DNAH2: variants seen among roughly 807,000 people sequenced by gnomAD.
DNAH2 encodes dynein axonemal heavy chain 2, also known as axonemal beta dynein heavy chain 2.
A neutral mutation model predicts 523.5 loss-of-function variants in DNAH2; 323 were observed. The observed-to-expected ratio is 0.62, with a 90% confidence interval of 0.56 to 0.68. The LOEUF is 0.68. DNAH2 is among the 30% of genes least tolerant of loss of function. The pLI is 0.00. For missense variants in DNAH2, 4,907 were observed against 5,701.5 expected (o/e 0.86, Z 4.49); for synonymous variants, 2,093 against 2,177.4 (o/e 0.96, Z 1.08).
intron 63 of DNAH2, among the ~76,000 whole-genome samples, chr17:7,813,982 T>G (rs1010726293): frequency 6.6e-6 from 1 of 151,932 alleles, no homozygotes; most frequent in Non-Finnish European, 1.5e-5. Context: ...AAGGATTCAG[T>G]GGTGAACAAG....
At position 7,798,861 on chromosome 17, in the gene DNAH2, G is replaced by T. The variant is rs1161015909; in HGVS notation, c.8559+143G>T. On this transcript the variant is annotated intron_variant, in intron 55 of 85. Coordinates refer to ENST00000572933, the MANE Select transcript of DNAH2 (RefSeq NM_020877.5). This position sits in a 1 kb window ranked among gnomAD's most constrained non-coding sequence, Gnocchi z 5.5. ...CCCACCTCAGCCCTGTAAGGTGGAA[G>T]GTCCCCTCCAGGGACCCTGGGCAGA... 4 of 1,281,638 alleles carry T rather than the reference G, an allele frequency of 3.1e-6. No homozygotes were observed. Among genetic ancestry groups the T allele is most frequent in the Admixed American group, 4.5e-5 (2 of 44,392 alleles). 79.4% of individuals were successfully genotyped at this position (1,281,638 alleles called of 1,614,324 possible).
intron 28 of DNAH2, 120 bp from the exon 29 acceptor site, chr17:7,774,639 C>T (rs2076399835): frequency 1.2e-6 from 1 of 801,414 alleles, no homozygotes; most frequent in Non-Finnish European, 2.0e-6. Flanking sequence ...CGTCCAGAAA[C>T]CCTCATGGCA....
rs145112814 is a variant in DNAH2 at position 7,778,174 on chromosome 17, C to T, written c.5345C>T (p.Thr1782Met). The change falls in exon 34 of 86, where the codon ACG becomes ATG. Residue 1782 changes from threonine to methionine, a missense_variant. Physicochemically the swap from Thr to Met is moderately conservative, Grantham distance 81 (BLOSUM62 -1). Coordinates refer to ENST00000572933, the MANE Select transcript of DNAH2 (RefSeq NM_020877.5). ...GGCCGGCTCGTCATCACCCCCCTGACGGACAGGTCTGCCATGTGGGATGAA... is the reference window on the plus strand; with the variant it reads ...GGCCGGCTCGTCATCACCCCCCTGATGGACAGGTCTGCCATGTGGGATGAA... Reference protein sequence around the residue: ...NSGRLVITPLTDRCYMTLTTA... With the variant: ...NSGRLVITPLMDRCYMTLTTA... 2.8e-5 allele frequency: 45 copies of T among 1,614,110 alleles called. No individual in the cohort carries two copies. Among genetic ancestry groups the T allele is most frequent in the Admixed American group, 8.3e-5 (5 of 59,998 alleles).
intron 44 of DNAH2, among the ~76,000 whole-genome samples, chr17:7,791,477 T>G (rs1396106549): frequency 6.6e-6 from 1 of 152,244 alleles, no homozygotes; most frequent in Non-Finnish European, 1.5e-5. Context: ...GTAGATTCAT[T>G]TCATTGCTTT....
intron 12 of DNAH2, among the ~76,000 whole-genome samples, chr17:7,744,641 A>G (rs2075462396): frequency 6.6e-6 from 1 of 152,074 alleles, no homozygotes; most frequent in Admixed American, 6.6e-5. Context: ...TCGAGTAGTG[A>G]GAGTTGTTGG....
At position 7,778,345 on chromosome 17, in the gene DNAH2, G is replaced by A; in HGVS notation, c.5417G>A (p.Gly1806Asp). ...HRGGSPKGPA[G>D]TGKTETVKDL... is the part of the protein sequence containing the mutation. ...GGGGGCTCCCCCAAAGGCCCTGCAG[G>A]CACAGGCAAGACCGAGACCGTCAAG... Residue 1806 changes from glycine (G) to aspartate (D), a missense_variant, in exon 35 of 86, where the codon GGC (glycine) becomes GAC (aspartate). Around this residue, in one of 3 missense-constraint regions of DNAH2, gnomAD observed 2,806 missense variants for 3,190.8 expected, o/e 0.88. Transcript: ENST00000572933. 6.2e-7 allele frequency: 1 copy of A among 1,614,222 alleles called. No individual in the cohort carries two copies. The highest frequency in any genetic ancestry group is 8.5e-7 in the Non-Finnish European group (1 of 1,180,032).
intron 12 of DNAH2, among the ~76,000 whole-genome samples, chr17:7,747,792 G>A (rs2075558872): frequency 6.6e-6 from 1 of 152,136 alleles, no homozygotes; most frequent in Non-Finnish European, 1.5e-5. Flanking sequence ...CATTTTTGTG[G>A]TTTTAAGATA....
intron 4 of DNAH2, among the ~76,000 whole-genome samples, chr17:7,729,926 A>G (rs2074936150): frequency 6.6e-6 from 1 of 152,242 alleles, no homozygotes; most frequent in South Asian, 2.1e-4. Flanking sequence ...ACAGTACATT[A>G]GAGCAAAAAG....
At position 7,780,669 on chromosome 17, in the gene DNAH2, G is replaced by C. The variant is rs749894695; in HGVS notation, c.5890G>C (p.Val1964Leu). The change falls in exon 38 of 86, where the codon GTG (valine) becomes CTG (leucine). Residue 1964 changes from valine to leucine, a missense_variant. This residue lies in a region of DNAH2 where 2,806 missense variants were observed against 3,190.8 expected (regional missense o/e 0.88). Coordinates refer to ENST00000572933, the MANE Select transcript of DNAH2 (RefSeq NM_020877.5). The surrounding 1 kb of genome is among the most constrained non-coding windows in gnomAD (Gnocchi z 4.4). ...KKVYTLYSLA[V>L]QQLSRQDHYD... Reference sequence around the variant, plus strand: ...GGTGTACACACTCTACTCACTGGCTGTGCAGCAGCTGTCCAGACAGGACCA... The same window carrying C: ...GGTGTACACACTCTACTCACTGGCTCTGCAGCAGCTGTCCAGACAGGACCA... The C allele has an allele frequency of 6.2e-7, 1 of 1,614,104 alleles. No individual in the cohort carries two copies. The highest frequency in any genetic ancestry group is 1.3e-5 in the African/African-American group (1 of 74,954).
At chr17:7,816,978 A>C (rs1396474168) in intron 64 of DNAH2, among the ~76,000 whole-genome samples, 1 of 152,186 alleles carries the variant, frequency 6.6e-6, no homozygotes, top group African/African-American at 2.4e-5. Flanking sequence ...GGAAGCACAC[A>C]CAAGGACTCT....
Position 7,733,231 on chromosome 17 carries a change from C to T in DNAH2, c.544C>T (p.Gln182Ter). The T allele has an allele frequency of 1.2e-6, 2 of 1,614,174 alleles. No homozygotes were observed. The highest frequency in any genetic ancestry group is 1.7e-6 in the Non-Finnish European group (2 of 1,180,030). ...GCTGCTCGGTGGAGTCTTTGCCCCT[C>T]AGATCTTTGCAAACACAGGCTGGCC... ...LRLLGGVFAPQIFANTGWPES... is the reference protein window; with the variant it reads ...LRLLGGVFAP The change falls in exon 5 of 86, where the codon CAG (glutamine) becomes TAG (stop). Residue 182 changes from glutamine to a stop codon, truncating the protein, a stop_gained. Transcript: ENST00000572933. LOFTEE classifies it high-confidence loss of function.
chr17:7,830,890 C>A (rs781513777), intron 79 of DNAH2, 48 bp downstream of exon 79: 1 of 1,607,910 alleles, frequency 6.2e-7, no homozygotes, highest in Non-Finnish European at 8.5e-7. Context: ...CACAAGTCAG[C>A]CAGGTGGTGG....
intron 3 of DNAH2, among the ~76,000 whole-genome samples, chr17:7,724,859 T>C (rs1047032636): frequency 2.0e-5 from 3 of 149,416 alleles, no homozygotes; most frequent in South Asian, 2.2e-4. Context: ...TCTCCCTCCT[T>C]AGCCTCCCAA....
At chr17:7,789,927 G>T (rs372081810) in intron 44 of DNAH2, among the ~76,000 whole-genome samples, 1 of 152,124 alleles carries the variant, frequency 6.6e-6, no homozygotes, top group Non-Finnish European at 1.5e-5. Flanking sequence ...TGGATTGGAC[G>T]CACCAAGTGT....
In DNAH2 at chr17:7,760,882, C is replaced by G. The variant is rs752513766; in HGVS notation, c.2928C>G (p.Arg976=). The G allele has an allele frequency of 1.7e-5, 27 of 1,614,088 alleles. No homozygotes were observed. The change falls in exon 18 of 86, where the codon CGC becomes CGG. Residue 976 remains arginine (R), a synonymous_variant. Coordinates refer to ENST00000572933, the MANE Select transcript of DNAH2 (RefSeq NM_020877.5). The surrounding 1 kb of genome is among the most constrained non-coding windows in gnomAD (Gnocchi z 4.0). ...TCAACAAGGACTCCTTCATTCATCG[C>G]TACCAGCGCCTCAACCCTCCTGTCT... ...WEINKDSFIH[R]YQRLNPPVSS...
intron 15 of DNAH2, 51 bp from the exon 16 acceptor site, chr17:7,759,371 G>A (rs1035035417): frequency 6.4e-7 from 1 of 1,559,940 alleles, no homozygotes; most frequent in Non-Finnish European, 8.7e-7. Flanking sequence ...TTCCCAGGAT[G>A]TGCCCTGTCT....
At chr17:7,750,234 C>A (rs564689723) in intron 12 of DNAH2, among the ~76,000 whole-genome samples, 1 of 152,254 alleles carries the variant, frequency 6.6e-6, no homozygotes, top group Non-Finnish European at 1.5e-5. Flanking sequence ...GTCCTCCAAA[C>A]CAACCAATAA....
chr17:7,819,240 T>G lies in DNAH2; in HGVS notation c.10847T>G (p.Ile3616Ser). 6.2e-7 allele frequency: 1 copy of G among 1,613,994 alleles called. No individual in the cohort carries two copies. Among genetic ancestry groups the G allele is most frequent in the Non-Finnish European group, 8.5e-7 (1 of 1,180,038 alleles). Residue 3616 changes from isoleucine to serine, a missense_variant, in exon 72 of 86, where the codon ATC becomes AGC. Physicochemically the swap from Ile to Ser is moderately radical, Grantham distance 142 (BLOSUM62 -2). Transcript: ENST00000572933. ...CGCCCATGCGCCCAGCGGGCATCAA[T>G]CCTGTTCTTCGTGCTCAATGATATG... ...AYRPCAQRAS[I>S]LFFVLNDMGC...
chr17:7,832,479 A>G lies in DNAH2; in HGVS notation c.12727-100A>G, dbSNP rs1235058855. ...AGCCAAGATCGTACCACTGCACTCCAGCCTGGGGGACAAGAGCAAAACTCT... is the reference window on the plus strand; with the variant it reads ...AGCCAAGATCGTACCACTGCACTCCGGCCTGGGGGACAAGAGCAAAACTCT... On this transcript the variant is annotated intron_variant, in intron 82 of 85. Coordinates refer to ENST00000572933, the MANE Select transcript of DNAH2 (RefSeq NM_020877.5). This position sits in a 1 kb window ranked among gnomAD's most constrained non-coding sequence, Gnocchi z 4.3. The G allele has an allele frequency of 7.7e-6, 11 of 1,437,874 alleles. No individual in the cohort carries two copies. In the East Asian group the frequency reaches 2.3e-4, roughly 30 times the overall value. 89.1% of individuals were successfully genotyped at this position (1,437,874 alleles called of 1,614,324 possible).
Sources: allele counts gnomAD v4.1 joint callset (sites outside exome capture counted in the v4.1 genomes callset), GRCh38; gene constraint gnomAD v4.1.1; regional missense constraint gnomAD v4.1.1; non-coding constraint Gnocchi (gnomAD v3.1); transcripts MANE v1.5; gene names NCBI Gene and HGNC (gene_info 2026-07-23, HGNC 2026-07-21).